Variants in MRNIP observed in about 807,000 individuals in gnomAD.
MRNIP encodes MRN complex interacting protein, also known as MRN complex-interacting protein.
MRNIP carries 30 observed loss-of-function variants against 29.8 expected under a neutral mutation model. The observed-to-expected ratio is 1.01, with a 90% confidence interval of 0.75 to 1.36. The LOEUF is 1.36. Among genes scored for constraint, MRNIP ranks in the 40% most tolerant of loss-of-function variants. The probability of loss-of-function intolerance (pLI) is 0.00; values close to 1 mark genes in which losing one functional copy is unlikely to be tolerated. For synonymous variants in MRNIP, 201 were observed against 164.1 expected, an observed-to-expected ratio of 1.23 and a Z score of -1.72; for missense variants, 459 against 423.5, an observed-to-expected ratio of 1.08 and a Z score of -0.74.
intron 2 of MRNIP, among the ~76,000 whole-genome samples, chr5:179,850,136 G>A (rs577433276): frequency 7.9e-5 from 12 of 151,636 alleles, no homozygotes; most frequent in Admixed American, 3.9e-4. Flanking sequence ...CTATGGCACA[G>A]GCAGATGTTA....
In MRNIP at chr5:179,848,033, G is replaced by A. The variant is rs367893357; in HGVS notation, c.160C>T (p.Arg54Cys). The A allele has an allele frequency of 4.9e-5, 79 of 1,613,768 alleles. No individual in the cohort carries two copies. Among genetic ancestry groups the A allele is most frequent in the African/African-American group, 1.6e-4 (12 of 74,870 alleles). The change falls in exon 3 of 7, where the codon CGC (arginine) becomes TGC (cysteine). Residue 54 changes from arginine (R) to cysteine (C), a missense_variant. By Grantham distance (180) the Arg-to-Cys change is radical. Transcript: ENST00000292586. ...AGTAGATTTAACTTTTGGACATGGC[G>A]TCTACAATCAGCACCAGAGCCTTCA... is the stretch of plus-strand genomic sequence containing the variant. ...YGEGSGADCRRHVQKLNLLQG... is the reference protein window; with the variant it reads ...YGEGSGADCRCHVQKLNLLQG...
chr5:179,837,459 G>A lies in MRNIP; in HGVS notation c.964C>T (p.Gln322Ter). 6.2e-7 allele frequency: 1 copy of A among 1,613,088 alleles called. No individual in the cohort carries two copies. Among genetic ancestry groups the A allele is most frequent in the South Asian group, 1.1e-5 (1 of 91,044 alleles). The part of the protein sequence containing the change: ...AEGGPLVLEA[Q>*]NPRPTRLCDL... ...CATAGTCGTGTGGGTCGAGGATTCT[G>A]TGCCTCCAGGACCAGGGGCCCACCC... Residue 322 changes from glutamine (Q) to a stop codon, truncating the protein, a stop_gained, in exon 7 of 7, where the codon CAG becomes TAG. Transcript: ENST00000292586. LOFTEE classifies it low-confidence loss of function (END_TRUNC).
Position 179,858,797 on chromosome 5 carries a change from C to A in MRNIP, c.-1G>T, listed in dbSNP as rs758844815. On this transcript the variant is annotated 5_prime_UTR_variant, in exon 1 of 7. Transcript: ENST00000292586. ...CCCGAGAACGCTGAAGCGACGCCAT[C>A]CCTGCTTGTGCAGTCGCCAGGCAGC... The A allele has an allele frequency of 1.9e-6, 3 of 1,540,928 alleles. No individual in the cohort carries two copies. Among genetic ancestry groups the A allele is most frequent in the South Asian group, 1.2e-5 (1 of 82,874 alleles).
At chr5:179,850,903 AGTG>A (rs1759340581) in intron 2 of MRNIP, among the ~76,000 whole-genome samples, 1 of 19,426 alleles carries the variant, frequency 5.1e-5, no homozygotes, top group Admixed American at 7.9e-4. Flanking sequence ...TGCCCTTCTC[AGTG>A]GCTAGAAGCA....
chr5:179,840,551 G>T (rs557971548), intron 6 of MRNIP: 33 of 488,710 alleles, frequency 6.8e-5, no homozygotes, highest in Non-Finnish European at 1.2e-4. Context: ...CCGGACAAAG[G>T]TCCCCGTGCT....
intron 1 of MRNIP, among the ~76,000 whole-genome samples, chr5:179,856,834 A>T (rs1189804892): frequency 6.6e-6 from 1 of 151,738 alleles, no homozygotes; most frequent in Non-Finnish European, 1.5e-5. Context: ...TCACACCCGT[A>T]GTCCCGGCAC....
intron 2 of MRNIP, among the ~76,000 whole-genome samples, chr5:179,849,638 C>T (rs1759273264): frequency 6.7e-6 from 1 of 149,530 alleles, no homozygotes; most frequent in African/African-American, 2.5e-5. Context: ...ATGACACAGG[C>T]AGATGGTAAG....
intron 5 of MRNIP, chr5:179,841,645 T>G: frequency 3.8e-6 from 2 of 520,838 alleles, no homozygotes; most frequent in Non-Finnish European, 3.4e-6. Flanking sequence ...CAGTACAGTC[T>G]GAGATGTTCA....
At chr5:179,853,300 G>C in intron 2 of MRNIP, 78 bp downstream of exon 2, 1 of 1,604,996 alleles carries the variant, frequency 6.2e-7, no homozygotes, top group Non-Finnish European at 8.5e-7. Context: ...GATGATCCCA[G>C]CTGTGGCATG....
At chr5:179,847,787 CAGT>C in intron 3 of MRNIP, 188 bp downstream of exon 3, 1 of 546,110 alleles carries the variant, frequency 1.8e-6, no homozygotes, top group Non-Finnish European at 3.3e-6. Flanking sequence ...AGCTCAGCCC[CAGT>C]ATTCTAAACA....
Position 179,856,439 on chromosome 5 carries a change from C to T in MRNIP, c.66+2292G>A, listed in dbSNP as rs74853025. ...ACTTGCAATTAAAATTAAAGTAGTACATAGCCGACTTGCCGTCCTCTTTGG... is the reference window on the plus strand; with the variant it reads ...ACTTGCAATTAAAATTAAAGTAGTATATAGCCGACTTGCCGTCCTCTTTGG... On this transcript the variant is annotated intron_variant, in intron 1 of 6. Transcript: ENST00000292586. 5.5e-3 allele frequency among the ~76,000 whole-genome samples: 844 copies of T among 152,174 alleles called. 6 individuals carry two copies. The highest frequency in any genetic ancestry group is 9.9e-3 in the Non-Finnish European group (670 of 68,000).
chr5:179,858,073 C>T (rs1759676105), intron 1 of MRNIP, among the ~76,000 whole-genome samples: 1 of 150,880 alleles, frequency 6.6e-6, no homozygotes, highest in African/African-American at 2.4e-5. Context: ...TAGCAGATTA[C>T]CAATAATTAG....
intron 3 of MRNIP, chr5:179,847,592 T>C (rs1240273618): frequency 5.9e-6 from 1 of 170,490 alleles, no homozygotes; most frequent in Non-Finnish European, 1.3e-5. Flanking sequence ...TCTAAGGGAC[T>C]TCTCCACTGA....
chr5:179,842,007 C>A lies in MRNIP; in HGVS notation c.349G>T (p.Glu117Ter), dbSNP rs1254441875. ...WLKYLEKDSQ[E>*]LELEGTGVCF... ...ACTCCTGTTCCTTCCAGCTCCAGTT[C>A]TTGGGAGTCCTTTTCTAGATACTTC... The change falls in exon 5 of 7, where the codon GAA (glutamate) becomes TAA (stop). Residue 117 changes from glutamate to a stop codon, truncating the protein, a stop_gained. Coordinates refer to ENST00000292586, the MANE Select transcript of MRNIP (RefSeq NM_016175.4). LOFTEE classifies it high-confidence loss of function. 2 of 1,614,006 alleles carry A rather than the reference C, an allele frequency of 1.2e-6. No individual in the cohort carries two copies. The highest frequency in any genetic ancestry group is 1.7e-5 in the Admixed American group (1 of 60,002).
At chr5:179,853,282 TGA>T (rs773725615) in intron 2 of MRNIP, 94 bp downstream of exon 2, 7 of 1,601,686 alleles carry the variant, frequency 4.4e-6, no homozygotes, top group Non-Finnish European at 5.9e-6. Context: ...GAACTCTGTT[TGA>T]GAGAGGATGA....
At chr5:179,840,438 C>G (rs1758827915) in intron 6 of MRNIP, 1 of 213,136 alleles carries the variant, frequency 4.7e-6, no homozygotes, top group Admixed American at 5.8e-5. Flanking sequence ...AGACAACACC[C>G]TAAGTGAAGA....
Position 179,837,707 on chromosome 5 carries a change from CT to C in MRNIP, c.715del (p.Ser239ValfsTer96). ...WAQFVLPPRK[S>X]SHVDSEQPRS... Reference sequence around the variant, plus strand: ...TGGCTGCTCACTGTCCACATGTGAACTTTTTCTAGGTGGCAGGACAAATTGC... The same window carrying C: ...TGGCTGCTCACTGTCCACATGTGAACTTTTCTAGGTGGCAGGACAAATTGC... On this transcript the variant is annotated frameshift_variant, in exon 7 of 7. Transcript: ENST00000292586. LOFTEE classifies it low-confidence loss of function (END_TRUNC). The C allele has an allele frequency of 6.2e-7, 1 of 1,614,152 alleles. No individual in the cohort carries two copies. Among genetic ancestry groups the C allele is most frequent in the Non-Finnish European group, 8.5e-7 (1 of 1,180,062 alleles).
chr5:179,837,663 G>C lies in MRNIP; in HGVS notation c.760C>G (p.Pro254Ala). Residue 254 changes from proline (P) to alanine (A), a missense_variant, in exon 7 of 7, where the codon CCC becomes GCC. Pro to Ala is a conservative substitution (Grantham distance 27). Coordinates refer to ENST00000292586, the MANE Select transcript of MRNIP (RefSeq NM_016175.4). Reference protein sequence around the residue: ...SEQPRSLQRDPRPAGPAQAKQ... With the variant: ...SEQPRSLQRDARPAGPAQAKQ... ...GCCTGTGCTGGACCAGCTGGCCTGG[G>C]GTCCCTCTGAAGAGACCTTGGCTGC... 1 of 1,614,184 alleles carries C rather than the reference G, an allele frequency of 6.2e-7. No homozygotes were observed. The highest frequency in any genetic ancestry group is 1.1e-5 in the South Asian group (1 of 91,080).
At chr5:179,840,573 G>A (rs1758836908) in intron 6 of MRNIP, 3 of 529,120 alleles carry the variant, frequency 5.7e-6, no homozygotes, top group Admixed American at 3.6e-5. Flanking sequence ...CACGCAGAAT[G>A]AGACGATGGC....
Sources: allele counts gnomAD v4.1 joint callset (sites outside exome capture counted in the v4.1 genomes callset), GRCh38; gene constraint gnomAD v4.1.1; transcripts MANE v1.5; gene names NCBI Gene and HGNC (gene_info 2026-07-23, HGNC 2026-07-21).